GAPVD1: variants seen among roughly 807,000 people sequenced by gnomAD.
GAPVD1 encodes the protein GTPase activating protein and VPS9 domains 1, also known as GTPase-activating protein and VPS9 domain-containing protein 1.
In GAPVD1, 35 loss-of-function variants were observed where a neutral mutation model predicts 155.5. The ratio of observed to expected loss-of-function variants is 0.23; its 90% CI spans 0.17 to 0.30. The LOEUF (loss-of-function observed/expected upper bound fraction) is 0.30. Among genes scored for constraint, GAPVD1 ranks in the 10% least tolerant of loss-of-function variants. GAPVD1 has a pLI of 1.00. For synonymous variants in GAPVD1, 636 were observed against 619.7 expected (o/e 1.03, Z -0.39); for missense variants, 1,429 against 1,775.7 (o/e 0.80, Z 3.51).
intron 3 of GAPVD1, 68 bp downstream of exon 3, chr9:125,295,642 G>T (rs1839729810): frequency 1.3e-5 from 2 of 151,926 alleles, no homozygotes; most frequent in Non-Finnish European, 2.9e-5. Flanking sequence ...ATGTTGGCCA[G>T]ACTGATCTTG....
chr9:125,292,941 G>A (rs1384667757), intron 2 of GAPVD1, among the ~76,000 whole-genome samples: 1 of 152,196 alleles, frequency 6.6e-6, no homozygotes, highest in Admixed American at 6.5e-5. Context: ...GAGGGATTGG[G>A]AAGGATTATA....
chr9:125,333,418 A>T (rs1251648003), intron 15 of GAPVD1, among the ~76,000 whole-genome samples: 1 of 151,246 alleles, frequency 6.6e-6, no homozygotes, highest in Non-Finnish European at 1.5e-5. Flanking sequence ...AGAAGTAAGT[A>T]CTGGAAATAC....
intron 10 of GAPVD1, 116 bp downstream of exon 10, chr9:125,321,678 A>G (rs1844354174): frequency 2.2e-6 from 2 of 914,686 alleles, no homozygotes; most frequent in Non-Finnish European, 3.3e-6. Flanking sequence ...TGAGGAGACT[A>G]ATGAAGATTT....
chr9:125,336,556 C>T (rs1847027977), intron 15 of GAPVD1, among the ~76,000 whole-genome samples: 1 of 152,096 alleles, frequency 6.6e-6, no homozygotes, highest in South Asian at 2.1e-4. Context: ...CCATCTTGCC[C>T]AGACTGGTCT....
At chr9:125,356,026 G>C (rs534476854) in intron 25 of GAPVD1, among the ~76,000 whole-genome samples, 169 bp downstream of exon 25, 6 of 152,304 alleles carry the variant, frequency 3.9e-5, no homozygotes, top group Admixed American at 3.9e-4. Context: ...ATAATACCCA[G>C]TTTTCAGGGA....
At chr9:125,324,366 G>A (rs1347279855) in intron 11 of GAPVD1, among the ~76,000 whole-genome samples, 4 of 151,812 alleles carry the variant, frequency 2.6e-5, no homozygotes, top group Non-Finnish European at 5.9e-5. Context: ...TGAGGCGGGT[G>A]GATCACCTGA....
intron 15 of GAPVD1, among the ~76,000 whole-genome samples, chr9:125,333,488 T>C (rs1846392515): frequency 6.7e-6 from 1 of 148,296 alleles, no homozygotes; most frequent in African/African-American, 2.5e-5. Context: ...CTTTTGTCTT[T>C]TTTTTTTTTT....
intron 1 of GAPVD1, among the ~76,000 whole-genome samples, chr9:125,264,496 A>G (rs1320968334): frequency 6.6e-6 from 1 of 151,862 alleles, no homozygotes; most frequent in Non-Finnish European, 1.5e-5. Flanking sequence ...CGTCCTGCCC[A>G]GAGTAGTCAT....
At chr9:125,273,278 G>A (rs139059504) in intron 2 of GAPVD1, among the ~76,000 whole-genome samples, 2 of 152,008 alleles carry the variant, frequency 1.3e-5, no homozygotes, top group African/African-American at 4.8e-5. Context: ...GAAATAATGG[G>A]GTATAATTTT....
chr9:125,323,873 C>G lies in GAPVD1; in HGVS notation c.1808C>G (p.Pro603Arg). ...TCTGTGTCAGAACTTGGAGCAGGAC[C>G]TTCTGGCAGTAATGGAGTTGAAGCT... ...GESVSELGAG[P>R]SGSNGVEALQ... The change falls in exon 11 of 28, where the codon CCT becomes CGT. Residue 603 changes from proline (P) to arginine (R), a missense_variant. Physicochemically the swap from Pro to Arg is moderately radical, Grantham distance 103. This residue lies in a region of GAPVD1 where 628 missense variants were observed against 733.4 expected (regional missense o/e 0.86). Transcript: ENST00000297933. The G allele has an allele frequency of 6.2e-7, 1 of 1,613,584 alleles. No individual in the cohort carries two copies. Among genetic ancestry groups the G allele is most frequent in the South Asian group, 1.1e-5 (1 of 91,078 alleles).
At chr9:125,272,381 C>T (rs999139532) in intron 2 of GAPVD1, among the ~76,000 whole-genome samples, 12 of 152,134 alleles carry the variant, frequency 7.9e-5, no homozygotes, top group African/African-American at 2.9e-4. Context: ...CTTTGGAACC[C>T]GAGGAATCTA....
intron 9 of GAPVD1, among the ~76,000 whole-genome samples, chr9:125,316,617 G>A (rs7389288): frequency 0.49 from 74,412 of 151,768 alleles, 18,412 homozygotes; most frequent in Middle Eastern, 0.58. Context: ...TATGTGCCAC[G>A]TTTTCATTAT....
rs1230470361 is a variant in GAPVD1, at chr9:125,332,681, A to G, written c.2428+52A>G. ...AAAAAATGACCACATCCGTGGTTGA[A>G]ACTGGCACTGTGACACATTGCTGGT... is the stretch of plus-strand genomic sequence containing the variant. On this transcript the variant is annotated intron_variant, in intron 15 of 27. Coordinates refer to ENST00000297933, the MANE Select transcript of GAPVD1 (RefSeq NM_001282680.3). 12 of 1,515,264 alleles carry G rather than the reference A, an allele frequency of 7.9e-6. No homozygotes were observed. In the Admixed American group the frequency reaches 2.0e-4, roughly 25 times the overall value. The allele number at this position is 1,515,264 out of a possible 1,614,324, so 93.9% of individuals were successfully genotyped here.
intron 15 of GAPVD1, among the ~76,000 whole-genome samples, chr9:125,333,439 G>A (rs1348047254): frequency 1.3e-5 from 2 of 151,040 alleles, no homozygotes; most frequent in Admixed American, 6.6e-5. Flanking sequence ...CAAAATGCTA[G>A]CAGTGGTTTT....
chr9:125,358,533 A>T (rs2132637916), intron 25 of GAPVD1, among the ~76,000 whole-genome samples: 1 of 152,300 alleles, frequency 6.6e-6, no homozygotes, highest in East Asian at 1.9e-4. Context: ...GTGTAATAGG[A>T]TCCTCGGGGT....
At chr9:125,310,273 T>C (rs1419280129) in intron 8 of GAPVD1, among the ~76,000 whole-genome samples, 1 of 152,202 alleles carries the variant, frequency 6.6e-6, no homozygotes, top group Non-Finnish European at 1.5e-5. Context: ...TGGAAATTGA[T>C]GTGTGCTCTG....
intron 9 of GAPVD1, among the ~76,000 whole-genome samples, chr9:125,319,897 C>CA (rs1185655476): frequency 6.6e-6 from 1 of 151,834 alleles, no homozygotes; most frequent in Non-Finnish European, 1.5e-5. Context: ...CGCTCCCAGC[C>CA]AAAAAACCTG....
intron 2 of GAPVD1, among the ~76,000 whole-genome samples, chr9:125,289,373 AT>A (rs1474761127): frequency 4.6e-5 from 7 of 152,200 alleles, no homozygotes; most frequent in African/African-American, 1.7e-4. Flanking sequence ...TTAGGAAACT[AT>A]TGCAGTAATC....
At chr9:125,269,288 A>G (rs939420762) in intron 2 of GAPVD1, among the ~76,000 whole-genome samples, 7 of 151,896 alleles carry the variant, frequency 4.6e-5, no homozygotes, top group African/African-American at 1.5e-4. Flanking sequence ...TCAAATGTTT[A>G]GTTGAGTGTT....
Sources: allele counts gnomAD v4.1 joint callset (sites outside exome capture counted in the v4.1 genomes callset), GRCh38; gene constraint gnomAD v4.1.1; regional missense constraint gnomAD v4.1.1; transcripts MANE v1.5; gene names NCBI Gene and HGNC (gene_info 2026-07-23, HGNC 2026-07-21).